Variants in IL10RA observed in about 807,000 individuals in gnomAD.
IL10RA encodes the protein interleukin 10 receptor subunit alpha, also known as interleukin-10 receptor subunit alpha.
A neutral mutation model predicts 29.6 loss-of-function variants in IL10RA; 18 were observed. That is an observed-to-expected ratio of 0.61 (90% CI 0.42 to 0.90). The LOEUF is 0.90. Among genes scored for constraint, IL10RA ranks in the 40% least tolerant of loss-of-function variants. The pLI, the probability that IL10RA is intolerant of heterozygous loss-of-function variation, is 0.00. For missense variants in IL10RA, 634 were observed against 716.6 expected, an observed-to-expected ratio of 0.88 and a Z score of 1.32; for synonymous variants, 292 against 294.1, an observed-to-expected ratio of 0.99 and a Z score of 0.07.
At chr11:118,002,123 C>G (rs2058099507), downstream of IL10RA, 4 of 152,620 alleles carry the variant, frequency 2.6e-5, no homozygotes, top group South Asian at 6.2e-4. Context: ...CATCTGCACT[C>G]TATTCTAGAA....
In IL10RA at chr11:117,986,461, G is replaced by A. The variant is rs1268736069; in HGVS notation, c.-7G>A. ...GCTCCGGCCCCGGACGATGCGGCGC[G>A]CCCAGGATGCTGCCGTGCCTCGTAG... On this transcript the variant is annotated 5_prime_UTR_variant, in exon 1 of 7. Coordinates refer to ENST00000227752, the MANE Select transcript of IL10RA (RefSeq NM_001558.4). The A allele has an allele frequency of 1.9e-6, 3 of 1,551,892 alleles. No individual in the cohort carries two copies. The highest frequency in any genetic ancestry group is 2.6e-6 in the Non-Finnish European group (3 of 1,148,060).
downstream of IL10RA, chr11:118,002,260 C>T (rs1163501632): frequency 5.9e-5 from 9 of 152,396 alleles, no homozygotes; most frequent in Non-Finnish European, 1.0e-4. Context: ...TTCGTCCTAC[C>T]TGAATCCCCT....
At chr11:117,987,105 G>A in intron 1 of IL10RA, 1 of 346,518 alleles carries the variant, frequency 2.9e-6, no homozygotes, top group Non-Finnish European at 5.7e-6. Context: ...ACAGTTCTCC[G>A]GCAAGGTTTC....
At chr11:117,996,106 C>T (rs1214302670) in intron 6 of IL10RA, among the ~76,000 whole-genome samples, 1 of 152,134 alleles carries the variant, frequency 6.6e-6, no homozygotes, top group Non-Finnish European at 1.5e-5. Context: ...ACACAGAGGG[C>T]CACACAGCCA....
At chr11:117,998,215 G>T (rs977230589) in intron 6 of IL10RA, among the ~76,000 whole-genome samples, 21 of 152,226 alleles carry the variant, frequency 1.4e-4, no homozygotes, top group Non-Finnish European at 5.9e-5. Flanking sequence ...GGAGGGCATA[G>T]ACTGGGATAC....
In IL10RA at chr11:117,999,889, A is replaced by G; in HGVS notation, c.*248A>G. ...TGTTCTGTTGACTGGGGCCCTGCAG[A>G]CTCTGGCAGAGCTGAGAAGGGCAGG... On this transcript the variant is annotated 3_prime_UTR_variant, in exon 7 of 7. Coordinates refer to ENST00000227752, the MANE Select transcript of IL10RA (RefSeq NM_001558.4). 2 of 669,562 alleles carry G rather than the reference A, an allele frequency of 3.0e-6. No individual in the cohort carries two copies. The highest frequency in any genetic ancestry group is 2.7e-6 in the Non-Finnish European group (1 of 365,378). 41.5% of individuals were successfully genotyped at this position (669,562 alleles called of 1,614,324 possible). A position where few individuals can be genotyped will look rare whatever the true frequency, so the allele number is the denominator to read the frequency against.
At chr11:117,988,547 G>A (rs753424836) in intron 2 of IL10RA, 45 bp downstream of exon 2, 46 of 1,607,502 alleles carry the variant, frequency 2.9e-5, no homozygotes, top group African/African-American at 1.2e-4. Context: ...GTGAATCCCC[G>A]CCTTGTCCTC....
intron 6 of IL10RA, among the ~76,000 whole-genome samples, chr11:117,998,366 A>G (rs896888233): frequency 6.6e-6 from 1 of 152,202 alleles, no homozygotes; most frequent in Non-Finnish European, 1.5e-5. Context: ...GTCATAGTCA[A>G]AAAAGTTTGA....
Position 117,988,445 on chromosome 11 carries a change from A to G in IL10RA, c.131A>G (p.His44Arg). ...FEAEFFHHIL[H>R]WTPIPNQSES... ...GCAGAATTTTTCCACCACATCCTCC[A>G]CTGGACACCCATCCCAAATCAGTCT... Residue 44 changes from histidine to arginine, a missense_variant, in exon 2 of 7, where the codon CAC becomes CGC. By Grantham distance (29) the His-to-Arg change is conservative (BLOSUM62 0). Transcript: ENST00000227752. 3.1e-6 allele frequency: 5 copies of G among 1,613,912 alleles called. No homozygotes were observed. Among genetic ancestry groups the G allele is most frequent in the South Asian group, 1.1e-5 (1 of 91,058 alleles).
At chr11:118,002,492 G>A (rs764316366), downstream of IL10RA, 4 of 152,238 alleles carry the variant, frequency 2.6e-5, no homozygotes, top group Non-Finnish European at 5.9e-5. Flanking sequence ...ACTTTCTCCT[G>A]GAAATGAGGT....
chr11:117,998,111 G>A (rs1329645771), intron 6 of IL10RA, among the ~76,000 whole-genome samples: 2 of 152,128 alleles, frequency 1.3e-5, no homozygotes, highest in African/African-American at 4.8e-5. Flanking sequence ...ACTGCCCCAC[G>A]CTGCAGCCAC....
rs372503247 is a variant in IL10RA, at chr11:117,999,443, G to C, written c.1539G>C (p.Thr513=). 1 of 1,614,196 alleles carries C rather than the reference G, an allele frequency of 6.2e-7. No individual in the cohort carries two copies. Among genetic ancestry groups the C allele is most frequent in the Non-Finnish European group, 8.5e-7 (1 of 1,180,016 alleles). The change falls in exon 7 of 7, where the codon ACG becomes ACC. Residue 513 remains threonine, a synonymous_variant. Coordinates refer to ENST00000227752, the MANE Select transcript of IL10RA (RefSeq NM_001558.4). ...EMTLASSGAP[T]GQWNQPTEEW... ...CTCTGGCTTCCTCAGGGGCCCCAAC[G>C]GGACAGTGGAACCAGCCCACTGAGG...
intron 4 of IL10RA, 131 bp from the exon 5 acceptor site, chr11:117,993,868 G>A (rs1454809313): frequency 1.4e-6 from 1 of 736,860 alleles, no homozygotes; most frequent in African/African-American, 1.7e-5. Context: ...TGGTAATTGT[G>A]GGGTTTGTCA....
chr11:117,993,350 C>T lies in IL10RA; in HGVS notation c.477C>T (p.Ser159=), dbSNP rs1313096322. 1.3e-5 allele frequency: 21 copies of T among 1,613,884 alleles called. No individual in the cohort carries two copies. The highest frequency in any genetic ancestry group is 1.2e-4 in the Admixed American group (7 of 60,014). Residue 159 remains serine, a synonymous_variant, in exon 4 of 7, where the codon AGC becomes AGT. Coordinates refer to ENST00000227752, the MANE Select transcript of IL10RA (RefSeq NM_001558.4). ...CCCCCGCAAATGACACATATGAAAG[C>T]ATCTTCAGTCACTTCCGAGAGTATG... is the stretch of plus-strand genomic sequence containing the variant. The part of the protein sequence containing the change: ...KMAPANDTYE[S]IFSHFREYEI...
At position 117,993,519 on chromosome 11, in the gene IL10RA, A is replaced by T. The variant is rs1221745825; in HGVS notation, c.537+109A>T. On this transcript the variant is annotated intron_variant, in intron 4 of 6. Coordinates refer to ENST00000227752, the MANE Select transcript of IL10RA (RefSeq NM_001558.4). Reference sequence around the variant, plus strand: ...GGAACTTTGCTTATGGACTAAAGGGAGGGTCTGGGATGGTGGGTGGGCAGA... The same window carrying T: ...GGAACTTTGCTTATGGACTAAAGGGTGGGTCTGGGATGGTGGGTGGGCAGA... 5 of 981,960 alleles carry T rather than the reference A, an allele frequency of 5.1e-6. No homozygotes were observed. In the African/African-American group the frequency reaches 6.3e-5, roughly 12 times the overall value. 60.8% of individuals were successfully genotyped at this position (981,960 alleles called of 1,614,324 possible). A position where few individuals can be genotyped will look rare whatever the true frequency, so the allele number is the denominator to read the frequency against.
chr11:117,992,612 A>G (rs2058030664), intron 3 of IL10RA, among the ~76,000 whole-genome samples: 1 of 152,208 alleles, frequency 6.6e-6, no homozygotes, highest in Non-Finnish European at 1.5e-5. Flanking sequence ...TTCAATGAAC[A>G]TTTGTAAATA....
chr11:117,999,402 G>T lies in IL10RA; in HGVS notation c.1498G>T (p.Asp500Tyr). Residue 500 changes from aspartate (D) to tyrosine (Y), a missense_variant, in exon 7 of 7, where the codon GAT becomes TAT. Coordinates refer to ENST00000227752, the MANE Select transcript of IL10RA (RefSeq NM_001558.4). ...PALAKGYLKQ[D>Y]PLEMTLASSG... ...CCTGGCCAAGGGCTATTTGAAACAG[G>T]ATCCTCTAGAAATGACTCTGGCTTC... The T allele has an allele frequency of 6.2e-7, 1 of 1,614,208 alleles. No homozygotes were observed. Among genetic ancestry groups the T allele is most frequent in the Non-Finnish European group, 8.5e-7 (1 of 1,180,038 alleles).
rs1436183864 is a variant in IL10RA, at chr11:118,000,372, T to G, written c.*731T>G. 1 of 454,018 alleles carries G rather than the reference T, an allele frequency of 2.2e-6. No homozygotes were observed. Among genetic ancestry groups the G allele is most frequent in the Non-Finnish European group, 4.4e-6 (1 of 226,746 alleles). The allele number at this position is 454,018 out of a possible 1,614,324, so 28.1% of individuals were successfully genotyped here. On this transcript the variant is annotated 3_prime_UTR_variant, in exon 7 of 7. Coordinates refer to ENST00000227752, the MANE Select transcript of IL10RA (RefSeq NM_001558.4). ...CAAATATCTCCCTCTCTCCAACAAA[T>G]GGAGTAGCATCCCCCTGGGGCACTT...
chr11:117,991,879 C>T (rs961149570), intron 3 of IL10RA, among the ~76,000 whole-genome samples: 2 of 152,102 alleles, frequency 1.3e-5, no homozygotes, highest in African/African-American at 4.8e-5. Context: ...GGATTACAGG[C>T]ACGTGCCACC....
Sources: gnomAD v4.1 joint callset for allele counts (sites outside exome capture counted in the v4.1 genomes callset) on GRCh38, gnomAD v4.1.1 for gene constraint, MANE v1.5 for transcripts, NCBI Gene and HGNC (gene_info 2026-07-23, HGNC 2026-07-21) for gene names.